The following LIN9 variants were observed in gnomAD, a reference collection of about 807,000 sequenced individuals.
The protein encoded by LIN9 is lin-9 DREAM MuvB core complex component.
Under a neutral mutation model 78.0 loss-of-function variants are expected in LIN9, and 18 were observed. That is an observed-to-expected ratio of 0.23 (90% confidence interval 0.16 to 0.34). LIN9 has a LOEUF of 0.34. LIN9 is among the 10% of genes least tolerant of loss of function. The pLI is 1.00. For synonymous variants in LIN9, 192 were observed against 215.2 expected (o/e 0.89, Z 0.94); for missense variants, 451 against 644.1 (o/e 0.70, Z 3.25).
intron 3 of LIN9, 99 bp downstream of exon 3, chr1:226,297,620 T>C: frequency 4.5e-6 from 3 of 667,270 alleles, no homozygotes; most frequent in Non-Finnish European, 6.8e-6. Flanking sequence ...GGAAAAAAAC[T>C]TGTAAATTTT....
In LIN9 at chr1:226,242,964, T is replaced by C. The variant is rs536565123; in HGVS notation, c.1120-3868A>G. Among the ~76,000 whole-genome samples the C allele has an allele frequency of 1.1e-4, 16 of 152,370 alleles. No individual in the cohort carries two copies. In the East Asian group the frequency reaches 1.3e-3, roughly 13 times the overall value. Reference sequence around the variant, plus strand: ...GTAAGGATACAGTATATAATGCATATAGAAGATATGTGTTCATCTACTATT... The same window carrying C: ...GTAAGGATACAGTATATAATGCATACAGAAGATATGTGTTCATCTACTATT... On this transcript the variant is annotated intron_variant, in intron 11 of 14. Transcript: ENST00000681046.
At chr1:226,273,723 A>G (rs1199959834) in intron 7 of LIN9, among the ~76,000 whole-genome samples, 1 of 152,170 alleles carries the variant, frequency 6.6e-6, no homozygotes, top group Non-Finnish European at 1.5e-5. Flanking sequence ...TCAGAAACTC[A>G]GAGGTAGAGC....
intron 11 of LIN9, among the ~76,000 whole-genome samples, chr1:226,249,209 A>G (rs542249938): frequency 2.3e-4 from 35 of 152,360 alleles, no homozygotes; most frequent in Admixed American, 4.6e-4. Context: ...AGAGCACTGA[A>G]AAGGCATCGA....
rs950765017 is a variant in LIN9, at chr1:226,271,225, C to T, written c.683-3135G>A. Among the ~76,000 whole-genome samples the T allele has an allele frequency of 2.6e-5, 4 of 152,192 alleles. No individual in the cohort carries two copies. In the East Asian group the frequency reaches 7.7e-4, roughly 29 times the overall value. On this transcript the variant is annotated intron_variant, in intron 7 of 14. Transcript: ENST00000681046. ...TTTCCATTACTTTGAATACGCAGTGCATCTGTCAAAACTCTTGTGCTTCTA... is the reference window on the plus strand; with the variant it reads ...TTTCCATTACTTTGAATACGCAGTGTATCTGTCAAAACTCTTGTGCTTCTA...
At chr1:226,253,857 A>G (rs928620654) in intron 10 of LIN9, among the ~76,000 whole-genome samples, 6 of 152,014 alleles carry the variant, frequency 3.9e-5, no homozygotes, top group Admixed American at 1.3e-4. Flanking sequence ...AGAGTCTGCA[A>G]TGAGCTAAGA....
At position 226,277,899 on chromosome 1, in the gene LIN9, T is replaced by G. The variant is rs1660769306; in HGVS notation, c.558A>C (p.Ser186=). Residue 186 remains serine (S), a synonymous_variant, in exon 7 of 15, where the codon TCA becomes TCC. Transcript: ENST00000681046. ...CSSAFFEEER[S]ALKQKRQKIR... ...TTTTCTGCCGTTTCTGTTTTAATGCTGATCTCTCTTCCTCAAAAAATGCAG... is the reference window on the plus strand; with the variant it reads ...TTTTCTGCCGTTTCTGTTTTAATGCGGATCTCTCTTCCTCAAAAAATGCAG... 1.2e-6 allele frequency: 2 copies of G among 1,613,216 alleles called. No individual in the cohort carries two copies. The highest frequency in any genetic ancestry group is 2.7e-5 in the African/African-American group (2 of 74,946).
At chr1:226,258,836 A>G (rs1373658555) in intron 10 of LIN9, among the ~76,000 whole-genome samples, 3 of 127,800 alleles carry the variant, frequency 2.3e-5, no homozygotes, top group Non-Finnish European at 3.1e-5. Context: ...GCTTGCAGTG[A>G]GCCGAGATCA....
intron 11 of LIN9, among the ~76,000 whole-genome samples, chr1:226,248,469 C>G (rs17575721): frequency 0.24 from 35,775 of 152,096 alleles, 4,506 homozygotes; most frequent in South Asian, 0.33. Context: ...AAAATTTGTT[C>G]AGCCTACCAT....
At chr1:226,309,210 C>T (rs770101794), upstream of LIN9, 61 of 1,454,718 alleles carry the variant, frequency 4.2e-5, no homozygotes, top group Non-Finnish European at 5.3e-5. Context: ...ACTGTCTTTG[C>T]GAGGGAGGTT....
In LIN9 at chr1:226,231,225, T is replaced by A. The variant is rs770452890; in HGVS notation, c.*1276A>T. On this transcript the variant is annotated 3_prime_UTR_variant, in exon 15 of 15. Coordinates refer to ENST00000681046, the MANE Select transcript of LIN9 (RefSeq NM_001366245.2). ...ATAGAAGATTTATGCATTTCTTAAT[T>A]AACATAACAGTTTAGCTAAATATAA... The A allele has an allele frequency of 2.5e-4, 38 of 152,610 alleles. No homozygotes were observed. The highest frequency in any genetic ancestry group is 4.3e-4 in the Non-Finnish European group (29 of 68,026). 9.5% of individuals were successfully genotyped at this position (152,610 alleles called of 1,614,324 possible).
rs552735298 is a variant in LIN9, at chr1:226,239,152, T to C, written c.1120-56A>G. On this transcript the variant is annotated intron_variant, in intron 11 of 14. Transcript: ENST00000681046. Reference sequence around the variant, plus strand: ...AGAGTTTGTTTTTTAGCAATGCAATTTCAATGATCTAAAAGGAGATTTGAC... The same window carrying C: ...AGAGTTTGTTTTTTAGCAATGCAATCTCAATGATCTAAAAGGAGATTTGAC... 2.9e-4 allele frequency: 451 copies of C among 1,564,726 alleles called. 4 individuals carry two copies. In the South Asian group the frequency reaches 3.8e-3, roughly 13 times the overall value.
chr1:226,254,841 G>A (rs930314433), intron 10 of LIN9, among the ~76,000 whole-genome samples: 22 of 151,124 alleles, frequency 1.5e-4, no homozygotes, highest in African/African-American at 5.1e-4. Flanking sequence ...AACCCGGAAG[G>A]CGGAGCTTGC....
At chr1:226,299,525 CA>C (rs982934392) in intron 2 of LIN9, among the ~76,000 whole-genome samples, 12 of 137,200 alleles carry the variant, frequency 8.7e-5, no homozygotes, top group African/African-American at 3.0e-4. Context: ...AAAAAAAAGG[CA>C]GGGGGGAGAG....
intron 12 of LIN9, among the ~76,000 whole-genome samples, chr1:226,237,048 T>C (rs576057374): frequency 6.6e-6 from 1 of 152,242 alleles, no homozygotes; most frequent in African/African-American, 2.4e-5. Context: ...CTCTCTGATA[T>C]GTTCTTATTT....
chr1:226,304,615 A>C (rs1221066505), intron 1 of LIN9, among the ~76,000 whole-genome samples: 1 of 152,160 alleles, frequency 6.6e-6, no homozygotes, highest in Non-Finnish European at 1.5e-5. Context: ...GGTTTCTCTG[A>C]GGAGGTAACA....
In LIN9 at chr1:226,239,088, A is replaced by G. The variant is rs756736183; in HGVS notation, c.1128T>C (p.Tyr376=). 6.2e-7 allele frequency: 1 copy of G among 1,612,420 alleles called. No individual in the cohort carries two copies. The highest frequency in any genetic ancestry group is 8.5e-7 in the Non-Finnish European group (1 of 1,179,608). ...MNTEAEKLKS[Y]SMPISIEFQR... ...GAAATTCAATGCTGATGGGCATGGA[A>G]TATGATTTCTGAGAAGAGAAAAAAA... Residue 376 remains tyrosine, a synonymous_variant, in exon 12 of 15, where the codon TAT becomes TAC. Coordinates refer to ENST00000681046, the MANE Select transcript of LIN9 (RefSeq NM_001366245.2).
At chr1:226,241,402 T>C (rs1558155612) in intron 11 of LIN9, among the ~76,000 whole-genome samples, 1 of 152,168 alleles carries the variant, frequency 6.6e-6, no homozygotes, top group East Asian at 1.9e-4. Flanking sequence ...AAAATCAAAA[T>C]CATTAAAAGC....
rs1220796015 is a variant in LIN9 at position 226,265,478 on chromosome 1, A to G, written c.1038+55T>C. The stretch of plus-strand genomic sequence containing the variant: ...TAGAAAAATTTTCAACTTTAATAAC[A>G]TAAAAGGCATTGAGTTTTTAAACAA... On this transcript the variant is annotated intron_variant, in intron 10 of 14. Transcript: ENST00000681046. The surrounding 1 kb of genome is among the most constrained non-coding windows in gnomAD (Gnocchi z 4.1). 4.4e-6 allele frequency: 5 copies of G among 1,130,824 alleles called. No individual in the cohort carries two copies. The highest frequency in any genetic ancestry group is 6.6e-6 in the Non-Finnish European group (5 of 756,260). 70.0% of individuals were successfully genotyped at this position (1,130,824 alleles called of 1,614,324 possible).
rs557994223 is a variant in LIN9, at chr1:226,297,137, T to G, written c.159+582A>C. Among the ~76,000 whole-genome samples the G allele has an allele frequency of 8.5e-5, 13 of 152,244 alleles. No individual in the cohort carries two copies. The South Asian group carries it at 2.5e-3, about 29-fold the overall frequency. ...AATGAAGATGATGGAATTGACACAG[T>G]GAGGAAAGCCCCTCACATTCACTGT... On this transcript the variant is annotated intron_variant, in intron 3 of 14. Transcript: ENST00000681046.
Sources: allele counts gnomAD v4.1 joint callset (sites outside exome capture counted in the v4.1 genomes callset), GRCh38; gene constraint gnomAD v4.1.1; non-coding constraint Gnocchi (gnomAD v3.1); transcripts MANE v1.5; gene names NCBI Gene and HGNC (gene_info 2026-07-23, HGNC 2026-07-21).